Variants in ADH7 observed in about 807,000 individuals in gnomAD.
The protein encoded by ADH7 is alcohol dehydrogenase 7 (class IV), mu or sigma polypeptide, also known as all-trans-retinol dehydrogenase [NAD(+)] ADH7.
A neutral mutation model predicts 34.4 loss-of-function variants in ADH7; 41 were observed. The ratio of observed to expected loss-of-function variants is 1.19; its 90% CI spans 0.93 to 1.55. ADH7 has a LOEUF of 1.55. Ranked by LOEUF, ADH7 falls within the 40% of genes most tolerant of loss-of-function variation. The pLI is 0.00. For synonymous variants in ADH7, 180 were observed against 160.9 expected, an observed-to-expected ratio of 1.12 and a Z score of -0.90; for missense variants, 540 against 461.2, an observed-to-expected ratio of 1.17 and a Z score of -1.56.
Position 99,420,649 on chromosome 4 carries a change from C to T in ADH7, c.709G>A (p.Ala237Thr), listed in dbSNP as rs1453860815. Residue 237 changes from alanine to threonine, a missense_variant, in exon 6 of 9, where the codon GCC becomes ACC. Physicochemically the swap from Ala to Thr is moderately conservative, Grantham distance 58. Transcript: ENST00000437033. ...TCCTTGGGACTGATACACTCAGTGGCACCTACAGCCATGGCCTTCTCAAAT... is the reference window on the plus strand; with the variant it reads ...TCCTTGGGACTGATACACTCAGTGGTACCTACAGCCATGGCCTTCTCAAAT... Reference protein sequence around the residue: ...DKFEKAMAVGATECISPKDST... With the variant: ...DKFEKAMAVGTTECISPKDST... 6.2e-7 allele frequency: 1 copy of T among 1,613,924 alleles called. No homozygotes were observed. Among genetic ancestry groups the T allele is most frequent in the South Asian group, 1.1e-5 (1 of 91,068 alleles).
At chr4:99,423,927 G>C (rs1330295324) in intron 5 of ADH7, among the ~76,000 whole-genome samples, 1 of 151,764 alleles carries the variant, frequency 6.6e-6, no homozygotes, top group Non-Finnish European at 1.5e-5. Flanking sequence ...CATTGCTTTT[G>C]GTGTTTTAGA....
At chr4:99,418,884 A>T in intron 7 of ADH7, 102 bp downstream of exon 7, 2 of 1,379,738 alleles carry the variant, frequency 1.4e-6, no homozygotes, top group Non-Finnish European at 2.0e-6. Context: ...ATCACTTCAT[A>T]CTCATTCTTG....
chr4:99,428,625 CA>C lies in ADH7; in HGVS notation c.125del (p.Leu42TrpfsTer12). 6.2e-7 allele frequency: 1 copy of C among 1,611,554 alleles called. No homozygotes were observed. Among genetic ancestry groups the C allele is most frequent in the East Asian group, 2.2e-5 (1 of 44,852 alleles). On this transcript the variant is annotated frameshift_variant, in exon 3 of 9. Transcript: ENST00000437033. LOFTEE classifies it high-confidence loss of function. Reference protein sequence around the residue: ...PKTKEVRIKILATGICRTDDH... With the variant: ...PKTKEVRIKIXATGICRTDDH... ...CATCTGTGCGACAGATTCCTGTGGC[CA>C]AAATCTGTGTTCAAAGACAAAAACA...
rs1251197589 is a variant in ADH7, at chr4:99,420,535, T to C, written c.823A>G (p.Met275Val). Reference protein sequence around the residue: ...TFEVIGHLETMIDALASCHMN... With the variant: ...TFEVIGHLETVIDALASCHMN... ...GCTTCTCAAATTTTGGGTCTTACCA[T>C]GGTTTCAAGATGCCCAATAACTTCA... Residue 275 changes from methionine to valine, a missense_variant and splice_region_variant, in exon 6 of 9, where the codon ATG becomes GTG. By Grantham distance (21) the Met-to-Val change is conservative (BLOSUM62 1). Coordinates refer to ENST00000437033, the MANE Select transcript of ADH7 (RefSeq NM_000673.7). 6 of 1,611,778 alleles carry C rather than the reference T, an allele frequency of 3.7e-6. No individual in the cohort carries two copies. Among genetic ancestry groups the C allele is most frequent in the African/African-American group, 2.7e-5 (2 of 74,888 alleles).
rs72681951 is a variant in ADH7, at chr4:99,417,537, C to G, written c.961+1449G>C. ...CTCCACCCCAGTCCTCTGGCACTGCCCGTTACCCATCCTTTATTATTATCC... is the reference window on the plus strand; with the variant it reads ...CTCCACCCCAGTCCTCTGGCACTGCGCGTTACCCATCCTTTATTATTATCC... On this transcript the variant is annotated intron_variant, in intron 7 of 8. Transcript: ENST00000437033. Among the ~76,000 whole-genome samples the G allele has an allele frequency of 8.0e-4, 122 of 152,226 alleles. 1 individual carries two copies. The highest frequency in any genetic ancestry group is 1.2e-3 in the Non-Finnish European group (85 of 68,022).
At chr4:99,424,219 A>G (rs1194863835) in intron 5 of ADH7, among the ~76,000 whole-genome samples, 1 of 152,006 alleles carries the variant, frequency 6.6e-6, no homozygotes, top group Non-Finnish European at 1.5e-5. Context: ...GAGGGCTCTG[A>G]TCTGTTCCAT....
intron 5 of ADH7, among the ~76,000 whole-genome samples, chr4:99,421,032 C>T (rs140300164): frequency 0.037 from 5,575 of 152,254 alleles, 353 homozygotes; most frequent in African/African-American, 0.13. Context: ...ATTCCATGCT[C>T]ATGCATAGGA....
chr4:99,429,290 T>C (rs1025278258), intron 2 of ADH7, among the ~76,000 whole-genome samples: 11 of 152,168 alleles, frequency 7.2e-5, no homozygotes, highest in Non-Finnish European at 1.5e-4. Context: ...TGAATAAAAA[T>C]TCAACAAATC....
At chr4:99,426,064 G>T (rs1721797464) in intron 5 of ADH7, among the ~76,000 whole-genome samples, 1 of 152,198 alleles carries the variant, frequency 6.6e-6, no homozygotes, top group South Asian at 2.1e-4. Context: ...AAAGCAGTGT[G>T]TAGAGAGAAA....
At chr4:99,415,799 A>C (rs1426190570) in intron 7 of ADH7, 183 bp from the exon 8 acceptor site, 3 of 530,770 alleles carry the variant, frequency 5.7e-6, no homozygotes, top group South Asian at 3.0e-5. Context: ...GCCATAAAAA[A>C]GAATGAGTTC....
Position 99,415,268 on chromosome 4 carries a change from TA to T in ADH7, c.1100+209del, listed in dbSNP as rs543257990. On this transcript the variant is annotated intron_variant, in intron 8 of 8. Coordinates refer to ENST00000437033, the MANE Select transcript of ADH7 (RefSeq NM_000673.7). ...GTGAGTCAATTGAATCTGTTTGCTT[TA>T]TAAATGACCCAGTCTCGGGCAGTTT... 771 of 533,416 alleles carry T rather than the reference TA, an allele frequency of 1.4e-3. 9 individuals carry two copies. Among genetic ancestry groups the T allele is most frequent in the African/African-American group, 0.012 (626 of 50,496 alleles). 33.0% of individuals were successfully genotyped at this position (533,416 alleles called of 1,614,324 possible).
intron 7 of ADH7, among the ~76,000 whole-genome samples, chr4:99,418,450 T>G (rs956424074): frequency 6.6e-6 from 1 of 152,112 alleles, no homozygotes; most frequent in Non-Finnish European, 1.5e-5. Context: ...AAGGACTCAC[T>G]GTGTCACCTA....
chr4:99,416,401 G>T (rs983385190), intron 7 of ADH7, among the ~76,000 whole-genome samples: 1 of 152,100 alleles, frequency 6.6e-6, no homozygotes, highest in African/African-American at 2.4e-5. Context: ...TTTTGACCCA[G>T]ACAGGGGTCA....
chr4:99,414,320 T>TA (rs910429030), intron 8 of ADH7, among the ~76,000 whole-genome samples: 26 of 147,804 alleles, frequency 1.8e-4, no homozygotes, highest in South Asian at 4.3e-4. Flanking sequence ...ATCTCTCAGG[T>TA]AAAAAAAAAA....
intron 1 of ADH7, among the ~76,000 whole-genome samples, chr4:99,431,698 T>G (rs886723315): frequency 1.3e-5 from 2 of 152,158 alleles, no homozygotes; most frequent in Non-Finnish European, 2.9e-5. Flanking sequence ...AACATACTTA[T>G]GGCCAACAAG....
At chr4:99,431,850 A>T (rs1010772060) in intron 1 of ADH7, among the ~76,000 whole-genome samples, 1 of 152,212 alleles carries the variant, frequency 6.6e-6, no homozygotes, top group African/African-American at 2.4e-5. Flanking sequence ...AAAAGGGAAT[A>T]CTTATGCACT....
intron 2 of ADH7, 137 bp downstream of exon 2, chr4:99,429,395 A>G (rs532569877): frequency 1.5e-5 from 9 of 602,346 alleles, no homozygotes; most frequent in East Asian, 5.6e-5. Context: ...TTAACAATAT[A>G]TAAGAGCCAG....
At chr4:99,426,746 A>G (rs1721814605) in intron 5 of ADH7, among the ~76,000 whole-genome samples, 1 of 152,182 alleles carries the variant, frequency 6.6e-6, no homozygotes, top group Admixed American at 6.6e-5. Flanking sequence ...AGCTGGGTAG[A>G]GACACAACCA....
In ADH7 at chr4:99,429,620, T is replaced by C; in HGVS notation, c.32A>G (p.Lys11Arg). 1 of 1,609,088 alleles carries C rather than the reference T, an allele frequency of 6.2e-7. No individual in the cohort carries two copies. Among genetic ancestry groups the C allele is most frequent in the Non-Finnish European group, 8.5e-7 (1 of 1,177,240 alleles). ...CTTCTGCTCCCAAAGCACAGCTGCT[T>C]TGCATTTAATAACCTAAGAAATAGG... MGTAGKVIKC[K>R]AAVLWEQKQP... The change falls in exon 2 of 9, where the codon AAA becomes AGA. Residue 11 changes from lysine to arginine, a missense_variant. By Grantham distance (26) the Lys-to-Arg change is conservative. Transcript: ENST00000437033.
Sources: allele counts gnomAD v4.1 joint callset (sites outside exome capture counted in the v4.1 genomes callset), GRCh38; gene constraint gnomAD v4.1.1; transcripts MANE v1.5; gene names NCBI Gene and HGNC (gene_info 2026-07-23, HGNC 2026-07-21).